Variants in ASB4 observed in about 807,000 individuals in gnomAD.
ASB4 encodes ankyrin repeat and SOCS box containing 4, also known as ankyrin repeat and SOCS box protein 4.
Under a neutral mutation model 38.6 loss-of-function variants are expected in ASB4, and 35 were observed. That is an observed-to-expected ratio of 0.91 (90% CI 0.69 to 1.20). ASB4 has a LOEUF of 1.20. Among genes scored for constraint, ASB4 ranks in the 50% most tolerant of loss-of-function variants. The pLI, the probability that ASB4 is intolerant of heterozygous loss-of-function variation, is 0.00. For missense variants in ASB4, 557 were observed against 527.2 expected (o/e 1.06, Z -0.55); for synonymous variants, 195 against 201.3 (o/e 0.97, Z 0.26).
upstream of ASB4, chr7:95,485,856 C>T (rs1790080661): frequency 2.5e-6 from 2 of 811,142 alleles, no homozygotes; most frequent in South Asian, 2.0e-5. Context: ...TAGAACGGAT[C>T]AGCATAACTT....
chr7:95,532,835 C>T (rs1428878743), intron 3 of ASB4, among the ~76,000 whole-genome samples: 2 of 152,128 alleles, frequency 1.3e-5, no homozygotes, highest in East Asian at 1.9e-4. Flanking sequence ...AATTGTTCCT[C>T]CATGAAGGGA....
At chr7:95,542,296 T>C (rs1025761008), downstream of ASB4, 2 of 152,178 alleles carry the variant, frequency 1.3e-5, no homozygotes, top group African/African-American at 4.8e-5. Context: ...AGCCATTTGG[T>C]TCATCAGAAA....
chr7:95,509,769 C>G (rs146522808), intron 2 of ASB4, among the ~76,000 whole-genome samples: 1 of 152,190 alleles, frequency 6.6e-6, no homozygotes, highest in Non-Finnish European at 1.5e-5. Context: ...ATGTCAGGTA[C>G]TTGAAAATAA....
upstream of ASB4, among the ~76,000 whole-genome samples, chr7:95,485,103 C>T (rs1232553550): frequency 6.6e-6 from 1 of 151,278 alleles, no homozygotes; most frequent in Non-Finnish European, 1.5e-5. Flanking sequence ...TATCTGTCTG[C>T]ATTTCTGAGC....
At chr7:95,551,075 G>C in the ASB4 span, among the ~76,000 whole-genome samples, 1 of 152,136 alleles carries the variant, frequency 6.6e-6, no homozygotes. Context: ...CCAACTACCA[G>C]GTTCAAGCAA....
In ASB4 at chr7:95,507,313, C is replaced by G. The variant is rs866537579; in HGVS notation, c.487+11256C>G. Among the ~76,000 whole-genome samples, 18 of 151,392 alleles carry G rather than the reference C, an allele frequency of 1.2e-4. 2 individuals carry two copies. In the South Asian group the frequency reaches 1.5e-3, roughly 12 times the overall value. On this transcript the variant is annotated intron_variant, in intron 2 of 4. Coordinates refer to ENST00000325885, the MANE Select transcript of ASB4 (RefSeq NM_016116.3). ...GACCTAAATGCCATTATTCCAGGTG[C>G]TAAGTTAGGGGAAAAGGCTGGGGAT...
chr7:95,545,250 A>T, the ASB4 span, among the ~76,000 whole-genome samples: 1 of 152,192 alleles, frequency 6.6e-6, no homozygotes, highest in African/African-American at 2.4e-5. Context: ...GGCCGTCTTG[A>T]AGAAAATTAA....
intron 1 of ASB4, 27 bp from the exon 2 acceptor site, chr7:95,495,731 C>A (rs779836593): frequency 1.3e-6 from 2 of 1,510,436 alleles, no homozygotes; most frequent in South Asian, 1.2e-5. Flanking sequence ...GTTAAACTTT[C>A]CTTTTCCTTT....
upstream of ASB4, among the ~76,000 whole-genome samples, chr7:95,484,945 TTTACACACAC>T (rs1790064779): frequency 2.7e-5 from 4 of 147,582 alleles, no homozygotes; most frequent in Non-Finnish European, 5.9e-5. Flanking sequence ...TCTGTTTCTA[TTTACACACAC>T]ATATATATAT....
upstream of ASB4, among the ~76,000 whole-genome samples, chr7:95,475,410 G>T (rs1266096163): frequency 6.6e-6 from 1 of 152,088 alleles, no homozygotes; most frequent in African/African-American, 2.4e-5. Flanking sequence ...TTGAGATGGA[G>T]ACTGGCTTTG....
chr7:95,515,231 T>TTTTCTTTCTTTCTTTCTTTCCTTC (rs1790551315), intron 2 of ASB4, among the ~76,000 whole-genome samples: 1 of 100,450 alleles, frequency 1.0e-5, no homozygotes, highest in African/African-American at 4.7e-5. Context: ...CTTTCTTTCT[T>TTTTCTTTCTTTCTTTCTTTCCTTC]TTTCTTTCTT....
chr7:95,512,285 T>G (rs1401192776), intron 2 of ASB4, among the ~76,000 whole-genome samples: 1 of 152,210 alleles, frequency 6.6e-6, no homozygotes, highest in Non-Finnish European at 1.5e-5. Context: ...GAGGGCAAAA[T>G]TTAACTTCTT....
intron 3 of ASB4, 108 bp from the exon 4 acceptor site, chr7:95,536,329 C>T (rs1018351049): frequency 1.2e-5 from 8 of 645,660 alleles, no homozygotes; most frequent in African/African-American, 1.1e-4. Flanking sequence ...GGATTACAGG[C>T]ACATGCTACC....
chr7:95,500,917 C>CAGGG (rs1790327433), intron 2 of ASB4, among the ~76,000 whole-genome samples: 3 of 152,102 alleles, frequency 2.0e-5, no homozygotes, highest in African/African-American at 7.2e-5. Flanking sequence ...AAGGAAGCTA[C>CAGGG]AGGGACAAGG....
intron 2 of ASB4, among the ~76,000 whole-genome samples, chr7:95,520,941 A>C (rs574787682): frequency 5.9e-5 from 9 of 152,044 alleles, no homozygotes; most frequent in Non-Finnish European, 1.3e-4. Context: ...ATTTTAAGAA[A>C]ATTTCTTTCT....
chr7:95,497,643 A>T (rs1050882975), intron 2 of ASB4, among the ~76,000 whole-genome samples: 6 of 152,212 alleles, frequency 3.9e-5, no homozygotes, highest in African/African-American at 1.4e-4. Flanking sequence ...TGAAACTATC[A>T]TGCCAATCAT....
At chr7:95,499,784 T>G (rs1053703559) in intron 2 of ASB4, among the ~76,000 whole-genome samples, 1 of 151,352 alleles carries the variant, frequency 6.6e-6, no homozygotes, top group Non-Finnish European at 1.5e-5. Context: ...AGAAAACAGC[T>G]GAAGATGCAC....
At chr7:95,519,980 TA>T (rs959707103) in intron 2 of ASB4, among the ~76,000 whole-genome samples, 35 of 152,070 alleles carry the variant, frequency 2.3e-4, no homozygotes, top group Non-Finnish European at 5.0e-4. Context: ...CAGAGTAGAA[TA>T]AAAAAAATCT....
At chr7:95,549,301 A>AT in the ASB4 span, among the ~76,000 whole-genome samples, 687 of 114,802 alleles carry the variant, frequency 6.0e-3, 33 homozygotes, top group South Asian at 0.013. Flanking sequence ...AGGAGACTCC[A>AT]TTTTTTTTTT....
Sources: gnomAD v4.1 joint callset for allele counts (sites outside exome capture counted in the v4.1 genomes callset) on GRCh38, gnomAD v4.1.1 for gene constraint, MANE v1.5 for transcripts, NCBI Gene and HGNC (gene_info 2026-07-23, HGNC 2026-07-21) for gene names.